Variants in PTK2 observed in about 807,000 individuals in gnomAD.
PTK2 encodes the protein focal adhesion kinase 1.
PTK2 carries 45 observed loss-of-function variants against 150.1 expected under a neutral mutation model. The ratio of observed to expected loss-of-function variants is 0.30; its 90% confidence interval spans 0.24 to 0.38. The LOEUF is 0.38. Among genes scored for constraint, PTK2 ranks in the 10% least tolerant of loss-of-function variants. PTK2 has a pLI of 1.00. For missense variants in PTK2, 919 were observed against 1,307.3 expected, an observed-to-expected ratio of 0.70 and a Z score of 4.58; for synonymous variants, 432 against 449.2, an observed-to-expected ratio of 0.96 and a Z score of 0.48.
At chr8:140,855,023 C>G (rs1039447864) in intron 5 of PTK2, among the ~76,000 whole-genome samples, 4 of 152,106 alleles carry the variant, frequency 2.6e-5, no homozygotes, top group East Asian at 1.9e-4. Context: ...GGGTCTTGCT[C>G]TGTCACCCAG....
At chr8:140,828,408 C>T (rs951489251) in intron 8 of PTK2, among the ~76,000 whole-genome samples, 1 of 152,118 alleles carries the variant, frequency 6.6e-6, no homozygotes, top group African/African-American at 2.4e-5. Flanking sequence ...GTGACCTGTA[C>T]CTGTGGTTCC....
chr8:140,733,479 G>A (rs2100050744), intron 22 of PTK2, among the ~76,000 whole-genome samples: 1 of 152,092 alleles, frequency 6.6e-6, no homozygotes, highest in Non-Finnish European at 1.5e-5. Flanking sequence ...GTGGAGAGAT[G>A]GCAAGTCAAT....
At chr8:140,980,410 C>T (rs1397163340) in intron 1 of PTK2, among the ~76,000 whole-genome samples, 1 of 152,070 alleles carries the variant, frequency 6.6e-6, no homozygotes, top group African/African-American at 2.4e-5. Flanking sequence ...ATCACGAGGT[C>T]AGGAGATCGA....
At chr8:140,940,102 C>T (rs1398258118) in intron 1 of PTK2, among the ~76,000 whole-genome samples, 1 of 152,186 alleles carries the variant, frequency 6.6e-6, no homozygotes, top group Admixed American at 6.5e-5. Context: ...ACTTACTGTT[C>T]GTATTGACAT....
At chr8:140,703,212 G>A (rs2100031752) in intron 24 of PTK2, among the ~76,000 whole-genome samples, 2 of 151,876 alleles carry the variant, frequency 1.3e-5, no homozygotes, top group South Asian at 2.1e-4. Flanking sequence ...GCAGTGAGCC[G>A]AGATCGGGCC....
At chr8:140,752,312 T>C (rs781693451) in exon 17 of PTK2, 2 of 1,613,722 alleles carry the variant, frequency 1.2e-6, no homozygotes, top group South Asian at 2.2e-5. Context: ...CAAAGCTGGA[T>C]TCTCCTGTGT....
At chr8:140,721,080 T>A (rs188540180) in intron 22 of PTK2, among the ~76,000 whole-genome samples, 117 of 152,124 alleles carry the variant, frequency 7.7e-4, no homozygotes, top group Admixed American at 2.2e-3. Context: ...TCTTTATTTT[T>A]TTTTTTTTAA....
At chr8:140,774,650 A>G (rs2154562177) in intron 14 of PTK2, among the ~76,000 whole-genome samples, 1 of 152,330 alleles carries the variant, frequency 6.6e-6, no homozygotes, top group Admixed American at 6.5e-5. Context: ...AGGATGAGAC[A>G]GGAGGTTGAT....
At chr8:140,840,749 G>A (rs1426861946) in intron 7 of PTK2, among the ~76,000 whole-genome samples, 1 of 152,166 alleles carries the variant, frequency 6.6e-6, no homozygotes, top group Non-Finnish European at 1.5e-5. Flanking sequence ...ATAAAAGCGA[G>A]TCCAATATAT....
chr8:140,663,310 G>A (rs1314323212), intron 31 of PTK2, among the ~76,000 whole-genome samples: 1 of 151,464 alleles, frequency 6.6e-6, no homozygotes, highest in East Asian at 1.9e-4. Flanking sequence ...AAAGTTGGGA[G>A]TTCTCTCTAT....
At chr8:140,820,688 C>G (rs2100108016) in intron 8 of PTK2, 1 of 151,244 alleles carries the variant, frequency 6.6e-6, no homozygotes, top group African/African-American at 2.4e-5. Context: ...ACTGAAATGG[C>G]AGAAATTGTG....
intron 4 of PTK2, among the ~76,000 whole-genome samples, chr8:140,871,222 T>C (rs2100142325): frequency 2.0e-5 from 3 of 152,200 alleles, no homozygotes; most frequent in Admixed American, 2.0e-4. Flanking sequence ...TTTTCTAACA[T>C]TTCAAAATTT....
chr8:140,926,165 T>G (rs1471546706), intron 1 of PTK2, among the ~76,000 whole-genome samples: 1 of 152,248 alleles, frequency 6.6e-6, no homozygotes, highest in Non-Finnish European at 1.5e-5. Context: ...ACCAATTTGC[T>G]GCAGTGCTTT....
chr8:140,949,537 A>G (rs1459646172), intron 1 of PTK2, among the ~76,000 whole-genome samples: 1 of 152,222 alleles, frequency 6.6e-6, no homozygotes, highest in South Asian at 2.1e-4. Flanking sequence ...AGGGCAGAGC[A>G]AAGTTGTGGC....
chr8:140,701,139 A>G (rs776033434), intron 25 of PTK2, 117 bp from the exon 29 acceptor site: 1 of 1,189,664 alleles, frequency 8.4e-7, no homozygotes, highest in East Asian at 2.7e-5. Flanking sequence ...GAGAAACAGG[A>G]TCTCTCATAC....
chr8:140,964,430 T>C (rs955965555), intron 1 of PTK2, among the ~76,000 whole-genome samples: 23 of 151,860 alleles, frequency 1.5e-4, no homozygotes, highest in Non-Finnish European at 5.9e-5. Flanking sequence ...CCAGGCTGGA[T>C]TGTGGCAATG....
At chr8:140,743,560 T>C (rs760878726) in intron 19 of PTK2, among the ~76,000 whole-genome samples, 3 of 152,074 alleles carry the variant, frequency 2.0e-5, no homozygotes, top group Non-Finnish European at 2.9e-5. Context: ...AATACAATGA[T>C]TATTCTGAAT....
chr8:140,832,153 C>T (rs930566020), intron 7 of PTK2, among the ~76,000 whole-genome samples: 3 of 152,178 alleles, frequency 2.0e-5, no homozygotes, highest in African/African-American at 7.2e-5. Context: ...TCCCAGGCTT[C>T]GAGCGATTCT....
intron 10 of PTK2, among the ~76,000 whole-genome samples, chr8:140,816,738 GC>G (rs1291518900): frequency 6.6e-6 from 1 of 152,102 alleles, no homozygotes; most frequent in Admixed American, 6.5e-5. Context: ...ATCTAAGTGA[GC>G]AAAAAAGTTA....
Sources: allele counts gnomAD v4.1 joint callset (sites outside exome capture counted in the v4.1 genomes callset), GRCh38; gene constraint gnomAD v4.1.1; transcripts MANE v1.5; gene names NCBI Gene and HGNC (gene_info 2026-07-23, HGNC 2026-07-21).